CNGB3: variants seen among roughly 807,000 people sequenced by gnomAD.
The protein encoded by CNGB3 is cyclic nucleotide gated channel subunit beta 3, also known as cyclic nucleotide-gated channel beta-3.
In CNGB3, 86 loss-of-function variants were observed where a neutral mutation model predicts 92.8. The ratio of observed to expected loss-of-function variants is 0.93; its 90% confidence interval spans 0.78 to 1.11. CNGB3 has a LOEUF of 1.11. Among genes scored for constraint, CNGB3 ranks in the 50% least tolerant of loss-of-function variants. The pLI, the probability that CNGB3 is intolerant of heterozygous loss-of-function variation, is 0.00. For synonymous variants in CNGB3, 333 were observed against 332.7 expected, an observed-to-expected ratio of 1.00 and a Z score of -0.01; for missense variants, 1,026 against 956.8, an observed-to-expected ratio of 1.07 and a Z score of -0.95.
intron 6 of CNGB3, chr8:86,659,182 G>C (rs1387557495): frequency 1.4e-6 from 1 of 713,760 alleles, no homozygotes; most frequent in Non-Finnish European, 2.5e-6. Flanking sequence ...GTGTGCACCT[G>C]CTCTGACATC....
chr8:86,666,322 T>A (rs1332278534), intron 6 of CNGB3, among the ~76,000 whole-genome samples: 1 of 152,180 alleles, frequency 6.6e-6, no homozygotes, highest in Non-Finnish European at 1.5e-5. Context: ...GTTTCAACAT[T>A]TCAGACTTGG....
At chr8:86,724,786 G>T (rs1399800518) in intron 3 of CNGB3, among the ~76,000 whole-genome samples, 1 of 152,034 alleles carries the variant, frequency 6.6e-6, no homozygotes, top group African/African-American at 2.4e-5. Context: ...GGGGAGGAAA[G>T]AATAGAACAA....
At chr8:86,643,047 T>C (rs1488277607) in intron 10 of CNGB3, among the ~76,000 whole-genome samples, 1 of 151,302 alleles carries the variant, frequency 6.6e-6, no homozygotes, top group Non-Finnish European at 1.5e-5. Context: ...TTTCAAACTT[T>C]TTTGATCATG....
At chr8:86,725,160 A>G (rs1165913925) in intron 3 of CNGB3, among the ~76,000 whole-genome samples, 1 of 152,178 alleles carries the variant, frequency 6.6e-6, no homozygotes, top group African/African-American at 2.4e-5. Context: ...GGTTATTGTA[A>G]AAAATAAACA....
In CNGB3 at chr8:86,634,786, A is replaced by G. The variant is rs376584003; in HGVS notation, c.1179-1893T>C. On this transcript the variant is annotated intron_variant, in intron 10 of 17. Transcript: ENST00000320005. Reference sequence around the variant, plus strand: ...TTGGGTAACTGGGCACTAAGCTTTGAACAAGGGTGGTCTTTTCTTGTAAAA... The same window carrying G: ...TTGGGTAACTGGGCACTAAGCTTTGGACAAGGGTGGTCTTTTCTTGTAAAA... Among the ~76,000 whole-genome samples, 19 of 151,700 alleles carry G rather than the reference A, an allele frequency of 1.3e-4. No homozygotes were observed. In the East Asian group the frequency reaches 3.7e-3, roughly 29 times the overall value.
chr8:86,665,356 T>G (rs1480318275), intron 6 of CNGB3, among the ~76,000 whole-genome samples: 2 of 152,194 alleles, frequency 1.3e-5, no homozygotes, highest in Non-Finnish European at 1.5e-5. Context: ...GAAATCAACT[T>G]GGAGATTTCT....
chr8:86,642,478 T>C (rs1823208689), intron 10 of CNGB3, among the ~76,000 whole-genome samples: 1 of 151,742 alleles, frequency 6.6e-6, no homozygotes, highest in South Asian at 2.1e-4. Flanking sequence ...GTTCTGGTTG[T>C]TATAATCCCT....
chr8:86,667,180 CAGAA>C, intron 5 of CNGB3, 47 bp from the exon 6 acceptor site: 2 of 1,532,528 alleles, frequency 1.3e-6, no homozygotes, highest in Non-Finnish European at 1.8e-6. Context: ...AGAACAAACA[CAGAA>C]AGAATTCTGT....
chr8:86,612,324 G>A (rs556373210), intron 13 of CNGB3, among the ~76,000 whole-genome samples: 5 of 152,172 alleles, frequency 3.3e-5, no homozygotes, highest in Non-Finnish European at 7.4e-5. Context: ...ATATCTATAT[G>A]AGCTAAAAAA....
intron 2 of CNGB3, among the ~76,000 whole-genome samples, chr8:86,731,171 C>T (rs1049846367): frequency 6.6e-6 from 1 of 152,176 alleles, no homozygotes; most frequent in Non-Finnish European, 1.5e-5. Context: ...ACAAAACAAA[C>T]ACGCAAAACC....
intron 6 of CNGB3, chr8:86,660,668 T>C (rs1423726399): frequency 3.8e-6 from 2 of 532,002 alleles, no homozygotes; most frequent in Admixed American, 3.9e-5. Flanking sequence ...TTCTTTTGTG[T>C]AGGCACAGCT....
intron 13 of CNGB3, among the ~76,000 whole-genome samples, chr8:86,614,179 C>A (rs372422680): frequency 4.6e-5 from 7 of 152,144 alleles, no homozygotes; most frequent in South Asian, 2.1e-4. Flanking sequence ...CTTCCCAGTT[C>A]CTCAGTGTGG....
intron 13 of CNGB3, among the ~76,000 whole-genome samples, chr8:86,621,540 T>C (rs774376120): frequency 5.9e-5 from 9 of 152,258 alleles, no homozygotes; most frequent in Non-Finnish European, 8.8e-5. Context: ...CGTTCTTTAG[T>C]GGTGATTTCT....
chr8:86,648,234 C>T (rs953999179), intron 7 of CNGB3, among the ~76,000 whole-genome samples: 3 of 151,110 alleles, frequency 2.0e-5, no homozygotes, highest in Non-Finnish European at 3.0e-5. Context: ...GGCTCTTCGA[C>T]TAAAAATCAA....
At chr8:86,734,013 G>A (rs763294930) in intron 2 of CNGB3, among the ~76,000 whole-genome samples, 4 of 152,012 alleles carry the variant, frequency 2.6e-5, no homozygotes, top group Non-Finnish European at 4.4e-5. Context: ...AACTACAGGC[G>A]GGTGCTACTA....
At chr8:86,601,663 A>T (rs889323097) in intron 15 of CNGB3, among the ~76,000 whole-genome samples, 20 of 152,170 alleles carry the variant, frequency 1.3e-4, no homozygotes, top group African/African-American at 4.8e-4. Context: ...TTTGGCAGGC[A>T]TACCTCCAGC....
chr8:86,706,328 A>G (rs1824651745), intron 3 of CNGB3, among the ~76,000 whole-genome samples: 1 of 152,246 alleles, frequency 6.6e-6, no homozygotes. Context: ...ACCATATGTT[A>G]CATTTTCAGT....
At chr8:86,598,513 A>G (rs138302833) in intron 15 of CNGB3, among the ~76,000 whole-genome samples, 2 of 152,254 alleles carry the variant, frequency 1.3e-5, no homozygotes, top group Admixed American at 1.3e-4. Flanking sequence ...ATAACAAATT[A>G]TCACAAAACA....
At chr8:86,673,457 T>G (rs1286376171) in intron 3 of CNGB3, among the ~76,000 whole-genome samples, 1 of 150,882 alleles carries the variant, frequency 6.6e-6, no homozygotes, top group Non-Finnish European at 1.5e-5. Flanking sequence ...GTGGCAGGAG[T>G]GATGGTGGTT....
Sources: gnomAD v4.1 joint callset for allele counts (sites outside exome capture counted in the v4.1 genomes callset) on GRCh38, gnomAD v4.1.1 for gene constraint, MANE v1.5 for transcripts, NCBI Gene and HGNC (gene_info 2026-07-23, HGNC 2026-07-21) for gene names.